The following SH3D21 variants were observed in gnomAD, a reference collection of about 807,000 sequenced individuals.
SH3D21 encodes the protein manchette microtubule inner protein 1, also known as SH3 domain-containing protein 21.
A neutral mutation model predicts 82.1 loss-of-function variants in SH3D21; 83 were observed. The observed-to-expected ratio is 1.01, with a 90% CI of 0.85 to 1.21. The LOEUF is 1.21. Ranked by LOEUF, SH3D21 falls within the 50% of genes most tolerant of loss-of-function variation. SH3D21 has a pLI of 0.00. For synonymous variants in SH3D21, 383 were observed against 387.8 expected (o/e 0.99, Z 0.15); for missense variants, 980 against 962.1 (o/e 1.02, Z -0.25).
chr1:36,308,212 G>A lies in SH3D21; in HGVS notation c.639+3G>A, dbSNP rs1162601839. The stretch of plus-strand genomic sequence containing the variant: ...ACGTGGTAAAAGTACTCAGCAAGGT[G>A]TGAGACGAACAGGGTGGGGGGGCCC... On this transcript the variant is annotated splice_donor_region_variant and intron_variant, in intron 8 of 15. Transcript: ENST00000453908. 6.5e-6 allele frequency: 10 copies of A among 1,535,140 alleles called. No individual in the cohort carries two copies. The Admixed American group carries it at 1.4e-4, about 22-fold the overall frequency.
chr1:36,322,329 G>A (rs1646477628), downstream of SH3D21: 1 of 1,566,018 alleles, frequency 6.4e-7, no homozygotes. Flanking sequence ...GGTGCCCGTG[G>A]CCGTGGGGCT....
chr1:36,318,814 CAGA>C (rs1386414589), intron 10 of SH3D21, among the ~76,000 whole-genome samples: 2 of 151,708 alleles, frequency 1.3e-5, no homozygotes, highest in African/African-American at 4.8e-5. Context: ...GAGGCTGAGG[CAGA>C]AGAATGGCGT....
Position 36,321,226 on chromosome 1 carries a change from A to T in SH3D21, c.*99A>T. On this transcript the variant is annotated 3_prime_UTR_variant, in exon 16 of 16. Transcript: ENST00000453908. The surrounding 1 kb of genome is among the most constrained non-coding windows in gnomAD (Gnocchi z 6.1). ...CGCGAGAAAGTAAACTCTGCCTAGC[A>T]CGGCGCCACGCCGGTCTGGTCGCTG... is the stretch of plus-strand genomic sequence containing the variant. 1.3e-6 allele frequency: 2 copies of T among 1,504,860 alleles called. No individual in the cohort carries two copies. Among genetic ancestry groups the T allele is most frequent in the Non-Finnish European group, 1.8e-6 (2 of 1,126,476 alleles). 93.2% of individuals were successfully genotyped at this position (1,504,860 alleles called of 1,614,324 possible).
intron 7 of SH3D21, 55 bp from the exon 8 acceptor site, chr1:36,308,054 G>A (rs1380234972): frequency 6.5e-7 from 1 of 1,547,312 alleles, no homozygotes. Flanking sequence ...GGTGGGGGCT[G>A]CTGATGGATG....
rs1646456444 is a variant in SH3D21, at chr1:36,321,188, C to A, written c.*61C>A. ...CTGGGGCCACCCACGTCCTTGCACA[C>A]GACTTTGGGAAACGCGAGAAAGTAA... On this transcript the variant is annotated 3_prime_UTR_variant, in exon 16 of 16. Transcript: ENST00000453908. This position sits in a 1 kb window ranked among gnomAD's most constrained non-coding sequence, Gnocchi z 6.1. The A allele has an allele frequency of 3.8e-6, 6 of 1,572,780 alleles. No individual in the cohort carries two copies. The highest frequency in any genetic ancestry group is 4.3e-6 in the Non-Finnish European group (5 of 1,159,350).
At chr1:36,312,168 A>G (rs1055797269) in intron 10 of SH3D21, among the ~76,000 whole-genome samples, 4 of 151,272 alleles carry the variant, frequency 2.6e-5, no homozygotes, top group Non-Finnish European at 5.9e-5. Flanking sequence ...GGGACTACAG[A>G]CGCCCGCTAC....
intron 10 of SH3D21, among the ~76,000 whole-genome samples, chr1:36,316,297 C>T (rs980641391): frequency 4.6e-5 from 7 of 152,040 alleles, no homozygotes; most frequent in African/African-American, 9.7e-5. Context: ...TGCAATGATG[C>T]GATCTCAGCT....
At chr1:36,322,678 C>A (rs1454262015), downstream of SH3D21, 3 of 1,547,088 alleles carry the variant, frequency 1.9e-6, no homozygotes, top group African/African-American at 4.1e-5. Flanking sequence ...AGCAGCAGGC[C>A]GAAGCAGACG....
In SH3D21 at chr1:36,320,531, C is replaced by T. The variant is rs750954643; in HGVS notation, c.1868C>T (p.Ala623Val). 6.2e-7 allele frequency: 1 copy of T among 1,614,008 alleles called. No individual in the cohort carries two copies. The highest frequency in any genetic ancestry group is 8.5e-7 in the Non-Finnish European group (1 of 1,180,028). Residue 623 changes from alanine to valine, a missense_variant, in exon 14 of 16, where the codon GCT becomes GTT. Ala to Val is a moderately conservative substitution (Grantham distance 64). Transcript: ENST00000453908. ...REEVLPKEGV[A>V]SKEEVTLKEE... is the part of the protein sequence containing the mutation. ...GAGGTGCTCCCCAAAGAGGGAGTGG[C>T]TTCCAAAGAGGAGGTGACCCTGAAA...
At position 36,319,974 on chromosome 1, in the gene SH3D21, G is replaced by T. The variant is rs1646417627; in HGVS notation, c.1311G>T (p.Glu437Asp). ...CAGAGAACTCCATCATCCCAGAGGA[G>T]ACCCTGACTGTGGACAAACCCTCCA... Reference protein sequence around the residue: ...SIPENSIIPEETLTVDKPSTP... With the variant: ...SIPENSIIPEDTLTVDKPSTP... Residue 437 changes from glutamate (E) to aspartate (D), a missense_variant, in exon 14 of 16, where the codon GAG becomes GAT. By Grantham distance (45) the Glu-to-Asp change is conservative (BLOSUM62 2). Transcript: ENST00000453908. 1 of 1,613,986 alleles carries T rather than the reference G, an allele frequency of 6.2e-7. No individual in the cohort carries two copies.
At chr1:36,329,035 G>A (rs1181078832), downstream of SH3D21, 1 of 152,186 alleles carries the variant, frequency 6.6e-6, no homozygotes, top group Non-Finnish European at 1.5e-5. Context: ...CTTTCCATGG[G>A]GCAACTCTAG....
rs980317389 is a variant in SH3D21, at chr1:36,307,826, G to A, written c.492+1G>A. ...CCCTGGTCCCCAGCGGCCTCCCAAG[G>A]TAAGTTGGCTCAGAGTAGGCACAGA... On this transcript the variant is annotated splice_donor_variant, in intron 6 of 15. Transcript: ENST00000453908. LOFTEE classifies it high-confidence loss of function. This position sits in a 1 kb window ranked among gnomAD's most constrained non-coding sequence, Gnocchi z 5.4. 1.2e-5 allele frequency: 18 copies of A among 1,551,672 alleles called. No individual in the cohort carries two copies. In the Admixed American group the frequency reaches 2.4e-4, roughly 20 times the overall value.
chr1:36,312,409 C>T (rs982617277), intron 10 of SH3D21, among the ~76,000 whole-genome samples: 3 of 152,168 alleles, frequency 2.0e-5, no homozygotes, highest in Admixed American at 6.5e-5. Context: ...AATAGACATT[C>T]TTCTGTTTAT....
At chr1:36,312,501 A>G (rs567491215) in intron 10 of SH3D21, among the ~76,000 whole-genome samples, 1 of 152,314 alleles carries the variant, frequency 6.6e-6, no homozygotes, top group South Asian at 2.1e-4. Flanking sequence ...ATTTCCAGCA[A>G]TTCATTTGTA....
chr1:36,318,373 G>T (rs1646379088), intron 10 of SH3D21, among the ~76,000 whole-genome samples: 1 of 152,146 alleles, frequency 6.6e-6, no homozygotes, highest in African/African-American at 2.4e-5. Context: ...CAGAGAGGAA[G>T]GAGCTAGAGA....
intron 10 of SH3D21, among the ~76,000 whole-genome samples, chr1:36,310,738 A>C (rs1216826822): frequency 6.6e-6 from 1 of 152,140 alleles, no homozygotes; most frequent in African/African-American, 2.4e-5. Flanking sequence ...CTCACCCCAA[A>C]GGTAACCACT....
chr1:36,322,021 G>T (rs945754099), downstream of SH3D21: 16 of 1,277,302 alleles, frequency 1.3e-5, no homozygotes, highest in African/African-American at 4.7e-5. Flanking sequence ...AACAGAGGGA[G>T]AGACTGAGTC....
At position 36,306,772 on chromosome 1, in the gene SH3D21, G is replaced by C; in HGVS notation, c.162+17G>C. 1.5e-6 allele frequency: 2 copies of C among 1,290,900 alleles called. No homozygotes were observed. Among genetic ancestry groups the C allele is most frequent in the Non-Finnish European group, 2.0e-6 (2 of 987,536 alleles). 80.0% of individuals were successfully genotyped at this position (1,290,900 alleles called of 1,614,324 possible). A position where few individuals can be genotyped will look rare whatever the true frequency, so the allele number is the denominator to read the frequency against. ...CTGGTGCAGGTGAGGCCGAGCCAGGGGCGGGCTGTGGGGTCTCAGCGCGCG... is the reference window on the plus strand; with the variant it reads ...CTGGTGCAGGTGAGGCCGAGCCAGGCGCGGGCTGTGGGGTCTCAGCGCGCG... On this transcript the variant is annotated intron_variant, in intron 2 of 15. Transcript: ENST00000453908. The surrounding 1 kb of genome is among the most constrained non-coding windows in gnomAD (Gnocchi z 4.5).
rs763141510 is a variant in SH3D21 at position 36,306,622 on chromosome 1, G to A, written c.29G>A (p.Arg10His). Reference sequence around the variant, plus strand: ...GAAGTCCTCGTCCTGGCCGGATACCGCGCGCAGAAGGAGGACGAGCTGAGT... The same window carrying A: ...GAAGTCCTCGTCCTGGCCGGATACCACGCGCAGAAGGAGGACGAGCTGAGT... MEVLVLAGY[R>H]AQKEDELSLA... Residue 10 changes from arginine to histidine, a missense_variant, in exon 2 of 16, where the codon CGC (arginine) becomes CAC (histidine). Physicochemically the swap from Arg to His is conservative, Grantham distance 29. Coordinates refer to ENST00000453908, the MANE Select transcript of SH3D21 (RefSeq NM_001162530.2). The surrounding 1 kb of genome is among the most constrained non-coding windows in gnomAD (Gnocchi z 4.5). 2.3e-6 allele frequency: 3 copies of A among 1,302,456 alleles called. No individual in the cohort carries two copies. Among genetic ancestry groups the A allele is most frequent in the African/African-American group, 3.0e-5 (2 of 65,782 alleles). 80.7% of individuals were successfully genotyped at this position (1,302,456 alleles called of 1,614,324 possible).
Sources: gnomAD v4.1 joint callset for allele counts (sites outside exome capture counted in the v4.1 genomes callset) on GRCh38, gnomAD v4.1.1 for gene constraint, Gnocchi (gnomAD v3.1) non-coding constraint, MANE v1.5 for transcripts, NCBI Gene and HGNC (gene_info 2026-07-23, HGNC 2026-07-21) for gene names.